PRKAA2: variants seen among roughly 807,000 people sequenced by gnomAD.
PRKAA2 encodes 5'-AMP-activated protein kinase catalytic subunit alpha-2.
A neutral mutation model predicts 56.3 loss-of-function variants in PRKAA2; 40 were observed. That is an observed-to-expected ratio of 0.71 (90% confidence interval 0.55 to 0.92). The LOEUF (loss-of-function observed/expected upper bound fraction) is 0.92, where lower values mean the gene tolerates loss of function less well. Among genes scored for constraint, PRKAA2 ranks in the 40% least tolerant of loss-of-function variants. The probability of loss-of-function intolerance (pLI) is 0.00; values close to 1 mark genes in which losing one functional copy is unlikely to be tolerated. For synonymous variants in PRKAA2, 214 were observed against 234.2 expected (o/e 0.91, Z 0.79); for missense variants, 542 against 686.9 (o/e 0.79, Z 2.36).
At position 56,685,243 on chromosome 1, in the gene PRKAA2, A is replaced by AT. The variant is rs548352567; in HGVS notation, c.237-6149dup. ...GTTAACATGTCTGTTTATATCACAG[A>AT]TTATCTATAAAGATATCACTTACAC... On this transcript the variant is annotated intron_variant, in intron 2 of 8. Coordinates refer to ENST00000371244, the MANE Select transcript of PRKAA2 (RefSeq NM_006252.4). Among the ~76,000 whole-genome samples the AT allele has an allele frequency of 1.6e-3, 237 of 152,358 alleles. 1 individual carries two copies. Among genetic ancestry groups the AT allele is most frequent in the African/African-American group, 5.5e-3 (227 of 41,588 alleles).
chr1:56,691,361 TACTTTGTTA>T (rs1201386578), intron 2 of PRKAA2, 24 bp from the exon 3 acceptor site: 2 of 1,538,116 alleles, frequency 1.3e-6, no homozygotes. Context: ...TAAAGTAACA[TACTTTGTTA>T]ACTTTTTTTA....
At chr1:56,646,889 A>G (rs146257573) in intron 1 of PRKAA2, among the ~76,000 whole-genome samples, 1 of 152,352 alleles carries the variant, frequency 6.6e-6, no homozygotes, top group South Asian at 2.1e-4. Flanking sequence ...CTAGGCAATG[A>G]GGATACAGCA....
chr1:56,685,639 G>T (rs538355528), intron 2 of PRKAA2, among the ~76,000 whole-genome samples: 79 of 152,192 alleles, frequency 5.2e-4, no homozygotes, highest in Admixed American at 9.8e-4. Context: ...AACAAAAATT[G>T]CAAAAATGAA....
chr1:56,670,975 G>A (rs191224655), intron 1 of PRKAA2, among the ~76,000 whole-genome samples: 2 of 152,210 alleles, frequency 1.3e-5, no homozygotes, highest in Admixed American at 6.6e-5. Context: ...CTCTTCTCAT[G>A]TGTCTGTCTA....
In PRKAA2 at chr1:56,653,511, C is replaced by G. The variant is rs115693703; in HGVS notation, c.94+8030C>G. Among the ~76,000 whole-genome samples, 458 of 152,144 alleles carry G rather than the reference C, an allele frequency of 3.0e-3. 3 individuals carry two copies. The highest frequency in any genetic ancestry group is 0.011 in the African/African-American group (445 of 41,528). Reference sequence around the variant, plus strand: ...GAACCTTTGTTTTGTCATAAACCAGCTATGTGGTCAAACTCAATCTGTAAA... The same window carrying G: ...GAACCTTTGTTTTGTCATAAACCAGGTATGTGGTCAAACTCAATCTGTAAA... On this transcript the variant is annotated intron_variant, in intron 1 of 8. Coordinates refer to ENST00000371244, the MANE Select transcript of PRKAA2 (RefSeq NM_006252.4).
chr1:56,656,353 T>A (rs1380955746), intron 1 of PRKAA2, among the ~76,000 whole-genome samples: 1 of 152,232 alleles, frequency 6.6e-6, no homozygotes, highest in Non-Finnish European at 1.5e-5. Flanking sequence ...CAGGTTTACC[T>A]TCTTTTAATA....
intron 2 of PRKAA2, among the ~76,000 whole-genome samples, chr1:56,685,508 A>C (rs546977542): frequency 4.6e-5 from 7 of 152,292 alleles, no homozygotes; most frequent in African/African-American, 1.7e-4. Flanking sequence ...GATTTCATTA[A>C]ATTAATGTGA....
intron 1 of PRKAA2, among the ~76,000 whole-genome samples, chr1:56,670,231 G>A (rs1049230712): frequency 6.6e-6 from 1 of 152,176 alleles, no homozygotes; most frequent in African/African-American, 2.4e-5. Flanking sequence ...TCTAAATAGT[G>A]TATTATTTAG....
intron 8 of PRKAA2, among the ~76,000 whole-genome samples, chr1:56,707,211 C>T (rs1644337517): frequency 2.0e-5 from 3 of 152,102 alleles, no homozygotes; most frequent in East Asian, 1.9e-4. Context: ...AGTTTGATTC[C>T]AATATCAATG....
chr1:56,678,555 A>G (rs1364611050), intron 2 of PRKAA2, among the ~76,000 whole-genome samples: 1 of 152,226 alleles, frequency 6.6e-6, no homozygotes, highest in African/African-American at 2.4e-5. Flanking sequence ...ATTTAAAGAA[A>G]AATCCAAACT....
chr1:56,706,442 CAT>C (rs1644332854), intron 8 of PRKAA2, among the ~76,000 whole-genome samples: 1 of 152,202 alleles, frequency 6.6e-6, no homozygotes, highest in African/African-American at 2.4e-5. Context: ...GTAAAAGAAT[CAT>C]TTGAAGTGTT....
intron 1 of PRKAA2, among the ~76,000 whole-genome samples, chr1:56,657,969 T>G (rs561383517): frequency 5.9e-5 from 9 of 152,150 alleles, no homozygotes; most frequent in African/African-American, 2.2e-4. Context: ...AAATAATATC[T>G]TGCGAGACTG....
intron 1 of PRKAA2, among the ~76,000 whole-genome samples, chr1:56,660,241 A>G (rs1275425228): frequency 1.3e-5 from 2 of 152,238 alleles, no homozygotes; most frequent in Non-Finnish European, 2.9e-5. Flanking sequence ...AGACACTCAG[A>G]ACATATTTGT....
At chr1:56,695,787 A>C in intron 5 of PRKAA2, 148 bp from the exon 6 acceptor site, 1 of 693,134 alleles carries the variant, frequency 1.4e-6, no homozygotes, top group Non-Finnish European at 2.4e-6. Flanking sequence ...GGGAACAAAC[A>C]CTGAATATTG....
At chr1:56,687,351 T>A (rs1282148208) in intron 2 of PRKAA2, among the ~76,000 whole-genome samples, 1 of 152,182 alleles carries the variant, frequency 6.6e-6, no homozygotes, top group Non-Finnish European at 1.5e-5. Context: ...CAGTTTAACA[T>A]ATATATGAAT....
chr1:56,651,517 A>G (rs572260415), intron 1 of PRKAA2, among the ~76,000 whole-genome samples: 1 of 152,306 alleles, frequency 6.6e-6, no homozygotes, highest in Non-Finnish European at 1.5e-5. Flanking sequence ...TCAGACTGCA[A>G]AGTCTCTGCT....
intron 1 of PRKAA2, among the ~76,000 whole-genome samples, chr1:56,673,912 AC>A (rs552319649): frequency 2.2e-3 from 341 of 152,342 alleles, no homozygotes; most frequent in Non-Finnish European, 4.0e-3. Context: ...TGAAAAAGGC[AC>A]AAAAAAGGGC....
At chr1:56,702,460 C>T (rs534861803) in intron 6 of PRKAA2, among the ~76,000 whole-genome samples, 1 of 152,086 alleles carries the variant, frequency 6.6e-6, no homozygotes, top group African/African-American at 2.4e-5. Context: ...GTTATGCTAC[C>T]CTGTCTCTTT....
intron 5 of PRKAA2, among the ~76,000 whole-genome samples, chr1:56,695,508 T>G (rs577523294): frequency 6.6e-6 from 1 of 152,160 alleles, no homozygotes; most frequent in African/African-American, 2.4e-5. Flanking sequence ...TCTTTAAAGG[T>G]GTGCCAGGGG....
Sources: gnomAD v4.1 joint callset for allele counts (sites outside exome capture counted in the v4.1 genomes callset) on GRCh38, gnomAD v4.1.1 for gene constraint, MANE v1.5 for transcripts, NCBI Gene and HGNC (gene_info 2026-07-23, HGNC 2026-07-21) for gene names.